ARHGEF4: variants seen among roughly 807,000 people sequenced by gnomAD.
ARHGEF4 encodes the protein APC-stimulated guanine nucleotide exchange factor 1.
A neutral mutation model predicts 162.0 loss-of-function variants in ARHGEF4; 119 were observed. The observed-to-expected ratio is 0.73, with a 90% confidence interval of 0.63 to 0.86. The LOEUF (loss-of-function observed/expected upper bound fraction) is 0.86. Ranked by LOEUF, ARHGEF4 falls within the 40% of genes least tolerant of loss-of-function variation. The pLI is 0.00. For synonymous variants in ARHGEF4, 1,014 were observed against 979.9 expected, an observed-to-expected ratio of 1.03 and a Z score of -0.65; for missense variants, 2,488 against 2,456.0, an observed-to-expected ratio of 1.01 and a Z score of -0.28.
chr2:130,912,127 G>A (rs1038150697), intron 1 of ARHGEF4, among the ~76,000 whole-genome samples: 16 of 152,242 alleles, frequency 1.1e-4, no homozygotes, highest in Admixed American at 1.0e-3. Context: ...CAGTTCACTG[G>A]TTAATGACAG....
At chr2:131,012,294 G>A (rs1267122308) in intron 4 of ARHGEF4, among the ~76,000 whole-genome samples, 1 of 152,144 alleles carries the variant, frequency 6.6e-6, no homozygotes, top group Admixed American at 6.5e-5. Context: ...TGCATATCAG[G>A]CATCTCAGCA....
chr2:130,932,055 A>G (rs1352724988), intron 3 of ARHGEF4, among the ~76,000 whole-genome samples: 1 of 152,114 alleles, frequency 6.6e-6, no homozygotes, highest in Non-Finnish European at 1.5e-5. Flanking sequence ...AGGAAACCCT[A>G]TTCCCCATTT....
chr2:130,914,308 G>A lies in ARHGEF4; in HGVS notation c.362G>A (p.Ser121Asn). ...CCCCCTCAGGAGCAGCATTTGACCA[G>A]TGTTCCTGGGCTTCATGCAAAGGAA... is the stretch of plus-strand genomic sequence containing the variant. ...TGPPQEQHLT[S>N]VPGLHAKEEL... is the part of the protein sequence containing the mutation. Residue 121 changes from serine to asparagine, a missense_variant, in exon 2 of 14, where the codon AGT becomes AAT. Physicochemically the swap from Ser to Asn is conservative, Grantham distance 46. Around this residue, in one of 6 missense-constraint regions of ARHGEF4, gnomAD observed 171 missense variants for 169.4 expected, o/e 1.01. Coordinates refer to ENST00000409359, the MANE Select transcript of ARHGEF4 (RefSeq NM_001367493.1). The A allele has an allele frequency of 6.7e-7, 1 of 1,502,190 alleles. No homozygotes were observed. Among genetic ancestry groups the A allele is most frequent in the Non-Finnish European group, 8.9e-7 (1 of 1,128,754 alleles). The allele number at this position is 1,502,190 out of a possible 1,614,324, so 93.1% of individuals were successfully genotyped here.
At chr2:131,045,971 TC>T in intron 13 of ARHGEF4, 66 bp from the exon 14 acceptor site, 1 of 1,557,260 alleles carries the variant, frequency 6.4e-7, no homozygotes. Flanking sequence ...CCCCATGCTG[TC>T]CCCAACAGCT....
chr2:130,892,473 A>G (rs1324557235), intron 1 of ARHGEF4, among the ~76,000 whole-genome samples: 1 of 152,218 alleles, frequency 6.6e-6, no homozygotes, highest in Non-Finnish European at 1.5e-5. Context: ...CCAACTGGTT[A>G]TAAATCAGGG....
chr2:130,979,823 A>G lies in ARHGEF4; in HGVS notation c.3985+33188A>G, dbSNP rs568165202. Among the ~76,000 whole-genome samples, 6 of 152,176 alleles carry G rather than the reference A, an allele frequency of 3.9e-5. No homozygotes were observed. The East Asian group carries it at 1.2e-3, about 29-fold the overall frequency. ...TTTCAGACAGACACCCAATATCACA[A>G]AATAGGATCACAAGTTTCTATAAAA... On this transcript the variant is annotated intron_variant, in intron 4 of 13. Coordinates refer to ENST00000409359, the MANE Select transcript of ARHGEF4 (RefSeq NM_001367493.1).
chr2:130,886,947 C>T (rs905177966), intron 1 of ARHGEF4, among the ~76,000 whole-genome samples: 1 of 151,858 alleles, frequency 6.6e-6, no homozygotes, highest in African/African-American at 2.4e-5. Flanking sequence ...TATTTGTAGG[C>T]TCATGTGGAT....
intron 4 of ARHGEF4, among the ~76,000 whole-genome samples, chr2:131,010,354 T>C (rs2105330608): frequency 6.6e-6 from 1 of 152,354 alleles, no homozygotes. Flanking sequence ...CTGCTTTAGG[T>C]CATTCTCCAG....
At chr2:130,946,842 C>A in intron 4 of ARHGEF4, 1 of 556,862 alleles carries the variant, frequency 1.8e-6, no homozygotes, top group Non-Finnish European at 2.9e-6. Context: ...GTGGCTCATG[C>A]CTGTAATCCC....
In ARHGEF4 at chr2:131,028,538, A is replaced by G. The variant is rs1038848707; in HGVS notation, c.4125+454A>G. ...GGAGTTCAGAAGTATTGCTGTTGCT[A>G]TGACAACTGCGTGCAAGTTGCTGTG... On this transcript the variant is annotated intron_variant, in intron 5 of 13. Coordinates refer to ENST00000409359, the MANE Select transcript of ARHGEF4 (RefSeq NM_001367493.1). Among the ~76,000 whole-genome samples, 10 of 152,360 alleles carry G rather than the reference A, an allele frequency of 6.6e-5. No homozygotes were observed. The East Asian group carries it at 1.2e-3, about 18-fold the overall frequency.
chr2:130,840,220 GCA>G lies in ARHGEF4; in HGVS notation c.39+3239_39+3240del, dbSNP rs138777092. Among the ~76,000 whole-genome samples the G allele has an allele frequency of 2.1e-3, 295 of 142,674 alleles. 1 individual carries two copies. Among genetic ancestry groups the G allele is most frequent in the African/African-American group, 6.7e-3 (273 of 40,764 alleles). The allele number at this position is 142,674 out of a possible 152,430, so 93.6% of individuals were successfully genotyped here. ...CAGACACACAGGTGTACACACAGGT[GCA>G]CACACACACATAGACCGAGTTTTCA... On this transcript the variant is annotated intron_variant, in intron 1 of 13. Transcript: ENST00000409359.
intron 1 of ARHGEF4, among the ~76,000 whole-genome samples, chr2:130,842,515 G>A (rs1219836371): frequency 2.0e-5 from 3 of 152,188 alleles, no homozygotes; most frequent in Non-Finnish European, 2.9e-5. Context: ...AGGGCAGTTA[G>A]AAGTAGCAAG....
In ARHGEF4 at chr2:130,916,956, T is replaced by A. The variant is rs1451099254; in HGVS notation, c.3010T>A (p.Trp1004Arg). The change falls in exon 2 of 14, where the codon TGG becomes AGG. Residue 1004 changes from tryptophan to arginine, a missense_variant. By Grantham distance (101) the Trp-to-Arg change is moderately radical. Transcript: ENST00000409359. ...AGAGGGCTATGTTTTTAGCGATCACTGGGCACCCCCACTTGCCTCCACACC... is the reference window on the plus strand; with the variant it reads ...AGAGGGCTATGTTTTTAGCGATCACAGGGCACCCCCACTTGCCTCCACACC... ...DKEGYVFSDHWAPPLASTPLS... is the reference protein window; with the variant it reads ...DKEGYVFSDHRAPPLASTPLS... 1 of 1,550,746 alleles carries A rather than the reference T, an allele frequency of 6.4e-7. No homozygotes were observed. Among genetic ancestry groups the A allele is most frequent in the African/African-American group, 1.4e-5 (1 of 73,042 alleles).
chr2:130,840,225 C>T (rs1424482610), intron 1 of ARHGEF4, among the ~76,000 whole-genome samples: 1 of 152,178 alleles, frequency 6.6e-6, no homozygotes, highest in African/African-American at 2.4e-5. Context: ...CAGGTGCACA[C>T]ACACACATAG....
intron 6 of ARHGEF4, chr2:131,039,740 G>C (rs546812440): frequency 7.4e-7 from 1 of 1,348,262 alleles, no homozygotes; most frequent in Non-Finnish European, 9.5e-7. Context: ...TGCAGCAAGC[G>C]CTCCAGCCTC....
At chr2:130,886,347 G>A (rs1679518957) in intron 1 of ARHGEF4, among the ~76,000 whole-genome samples, 1 of 151,304 alleles carries the variant, frequency 6.6e-6, no homozygotes, top group African/African-American at 2.4e-5. Context: ...TGAATCAAGT[G>A]TTACTTTCTG....
At chr2:130,905,825 G>T (rs1680779646) in intron 1 of ARHGEF4, among the ~76,000 whole-genome samples, 1 of 152,196 alleles carries the variant, frequency 6.6e-6, no homozygotes, top group Admixed American at 6.5e-5. Context: ...AGGTATATAT[G>T]TATGTACAGG....
At chr2:130,970,933 A>G (rs1404845709) in intron 4 of ARHGEF4, among the ~76,000 whole-genome samples, 3 of 152,158 alleles carry the variant, frequency 2.0e-5, no homozygotes, top group South Asian at 2.1e-4. Flanking sequence ...CCAATTTTTC[A>G]TCTCTCTGTC....
chr2:131,014,165 G>T (rs532941336), intron 4 of ARHGEF4, among the ~76,000 whole-genome samples: 37 of 152,260 alleles, frequency 2.4e-4, no homozygotes, highest in African/African-American at 8.9e-4. Context: ...TACTCCAAAA[G>T]TCTGTGATCT....
Sources: allele counts gnomAD v4.1 joint callset (sites outside exome capture counted in the v4.1 genomes callset), GRCh38; gene constraint gnomAD v4.1.1; regional missense constraint gnomAD v4.1.1; transcripts MANE v1.5; gene names NCBI Gene and HGNC (gene_info 2026-07-23, HGNC 2026-07-21).